The following FLNB variants were observed in gnomAD, a reference collection of about 807,000 sequenced individuals.
FLNB encodes the protein filamin-B.
A neutral mutation model predicts 250.6 loss-of-function variants in FLNB; 111 were observed. The observed-to-expected ratio is 0.44, with a 90% CI of 0.38 to 0.52. The LOEUF (loss-of-function observed/expected upper bound fraction) is 0.52, where lower values mean the gene tolerates loss of function less well. FLNB is among the 20% of genes least tolerant of loss of function. The pLI is 0.00. For synonymous variants in FLNB, 1,302 were observed against 1,372.1 expected, an observed-to-expected ratio of 0.95 and a Z score of 1.13; for missense variants, 2,869 against 3,447.8, an observed-to-expected ratio of 0.83 and a Z score of 4.20.
chr3:58,132,564 G>C (rs912437189), intron 25 of FLNB: 1 of 576,338 alleles, frequency 1.7e-6, no homozygotes, highest in African/African-American at 1.9e-5. Context: ...TATACTCTAG[G>C]GCAGACTGAG....
At chr3:58,014,006 C>T (rs1019458221) in intron 1 of FLNB, among the ~76,000 whole-genome samples, 2 of 152,176 alleles carry the variant, frequency 1.3e-5, no homozygotes, top group South Asian at 4.1e-4. Flanking sequence ...GTTTCCTTAT[C>T]ACTAAAATGG....
At chr3:58,047,488 C>T (rs2097155914) in intron 1 of FLNB, among the ~76,000 whole-genome samples, 3 of 152,022 alleles carry the variant, frequency 2.0e-5, no homozygotes, top group Non-Finnish European at 4.4e-5. Flanking sequence ...CTTATATAAC[C>T]TTCCCCAGAG....
chr3:58,166,915 C>T (rs576389827), intron 43 of FLNB, among the ~76,000 whole-genome samples: 1 of 152,128 alleles, frequency 6.6e-6, no homozygotes. Context: ...CACTTGAGGT[C>T]AGGAGCTCAA....
intron 38 of FLNB, among the ~76,000 whole-genome samples, chr3:58,152,445 C>T (rs894304618): frequency 2.6e-5 from 4 of 152,192 alleles, no homozygotes; most frequent in East Asian, 1.9e-4. Flanking sequence ...GGCTGCAAAC[C>T]GACAGCGTCC....
At chr3:58,104,904 A>G (rs2097257140) in intron 10 of FLNB, among the ~76,000 whole-genome samples, 176 bp from the exon 11 acceptor site, 1 of 152,152 alleles carries the variant, frequency 6.6e-6, no homozygotes, top group Non-Finnish European at 1.5e-5. Flanking sequence ...TATATTGTTG[A>G]CATAACAGTA....
chr3:58,168,427 TC>T lies in FLNB; in HGVS notation c.7199-11del. On this transcript the variant is annotated splice_polypyrimidine_tract_variant and intron_variant, in intron 43 of 45. Coordinates refer to ENST00000295956, the MANE Select transcript of FLNB (RefSeq NM_001457.4). ...AAGTCATCAACACAGCATTTTCTAT[TC>T]CTTTCTCCCAGGTATCCAGTCGGAA... 2.5e-6 allele frequency: 4 copies of T among 1,604,934 alleles called. No homozygotes were observed. The highest frequency in any genetic ancestry group is 3.4e-6 in the Non-Finnish European group (4 of 1,171,740).
chr3:58,156,686 T>G (rs1020589775), intron 41 of FLNB, among the ~76,000 whole-genome samples: 5 of 152,096 alleles, frequency 3.3e-5, no homozygotes, highest in Admixed American at 3.3e-4. Context: ...CTCCAGAACC[T>G]GTATTTTTGT....
intron 41 of FLNB, among the ~76,000 whole-genome samples, chr3:58,159,130 T>C (rs1430362409): frequency 6.6e-6 from 1 of 152,144 alleles, no homozygotes; most frequent in African/African-American, 2.4e-5. Flanking sequence ...GCCCTTGAGA[T>C]AACAAACAGC....
chr3:58,019,279 C>G (rs1475902545), intron 1 of FLNB, among the ~76,000 whole-genome samples: 1 of 152,150 alleles, frequency 6.6e-6, no homozygotes, highest in African/African-American at 2.4e-5. Context: ...ATGAGAATTC[C>G]TGACAAAAAA....
intron 1 of FLNB, among the ~76,000 whole-genome samples, chr3:58,067,698 G>A (rs3732644): frequency 0.26 from 38,632 of 150,378 alleles, 5,668 homozygotes; most frequent in Middle Eastern, 0.41. Context: ...CCAGGTTCAC[G>A]CCATTCTCCT....
Position 58,126,592 on chromosome 3 carries a change from C to A in FLNB, c.4062-10C>A, listed in dbSNP as rs2097298353. On this transcript the variant is annotated splice_polypyrimidine_tract_variant and intron_variant, in intron 23 of 45. Coordinates refer to ENST00000295956, the MANE Select transcript of FLNB (RefSeq NM_001457.4). ...GGTGCACATTTCACTTTCTTTTCCA[C>A]TCTTTCCAGAGGCGCAGGAATTGGT... The A allele has an allele frequency of 6.2e-7, 1 of 1,613,546 alleles. No individual in the cohort carries two copies. The highest frequency in any genetic ancestry group is 8.5e-7 in the Non-Finnish European group (1 of 1,179,702).
intron 24 of FLNB, among the ~76,000 whole-genome samples, chr3:58,128,699 A>G (rs2097301754): frequency 6.6e-6 from 1 of 152,196 alleles, no homozygotes; most frequent in East Asian, 1.9e-4. Flanking sequence ...TCCTGTGGCA[A>G]TGAAACTTTT....
chr3:58,009,276 A>G (rs1238860288), intron 1 of FLNB, among the ~76,000 whole-genome samples: 3 of 152,090 alleles, frequency 2.0e-5, no homozygotes, highest in African/African-American at 7.2e-5. Context: ...TGGTGCTCTC[A>G]GAGGCAGCTG....
At chr3:58,099,388 T>C (rs959817698) in intron 8 of FLNB, among the ~76,000 whole-genome samples, 1 of 152,170 alleles carries the variant, frequency 6.6e-6, no homozygotes, top group Non-Finnish European at 1.5e-5. Flanking sequence ...TAGATAGCGT[T>C]AGGTATCAGT....
intron 24 of FLNB, among the ~76,000 whole-genome samples, chr3:58,129,817 G>A (rs926037169): frequency 3.3e-5 from 5 of 152,342 alleles, no homozygotes; most frequent in East Asian, 3.9e-4. Flanking sequence ...TTGGTGATGG[G>A]CGTGGTAGCC....
chr3:58,025,005 C>T (rs2097121138), intron 1 of FLNB, among the ~76,000 whole-genome samples: 1 of 128,696 alleles, frequency 7.8e-6, no homozygotes, highest in Admixed American at 8.3e-5. Context: ...GCCACTGAGC[C>T]CAGCCTTCCT....
intron 8 of FLNB, among the ~76,000 whole-genome samples, chr3:58,101,906 A>T (rs565616970): frequency 1.3e-5 from 2 of 152,268 alleles, no homozygotes; most frequent in East Asian, 3.9e-4. Context: ...CCCTTTCACA[A>T]ATGAAAGGTT....
chr3:58,055,524 A>G (rs1241126203), intron 1 of FLNB, among the ~76,000 whole-genome samples: 7 of 152,176 alleles, frequency 4.6e-5, no homozygotes, highest in Non-Finnish European at 8.8e-5. Context: ...GTCTCATTTG[A>G]CAAATGAGGA....
At chr3:58,130,619 G>C in intron 24 of FLNB, 122 bp from the exon 25 acceptor site, 1 of 881,674 alleles carries the variant, frequency 1.1e-6, no homozygotes, top group Non-Finnish European at 1.8e-6. Context: ...CAGTGAGGCA[G>C]GGGGAGCTGA....
Sources: gnomAD v4.1 joint callset for allele counts (sites outside exome capture counted in the v4.1 genomes callset) on GRCh38, gnomAD v4.1.1 for gene constraint, MANE v1.5 for transcripts, NCBI Gene and HGNC (gene_info 2026-07-23, HGNC 2026-07-21) for gene names.